Variants in CIC observed in about 807,000 individuals in gnomAD.
CIC encodes protein capicua homolog.
CIC carries 18 observed loss-of-function variants against 115.7 expected under a neutral mutation model. The ratio of observed to expected loss-of-function variants is 0.16; its 90% CI spans 0.11 to 0.23. The LOEUF (loss-of-function observed/expected upper bound fraction) is 0.23, where lower values mean the gene tolerates loss of function less well. CIC is among the 10% of genes least tolerant of loss of function. The pLI is 1.00. For missense variants in CIC, 2,000 were observed against 2,159.3 expected (o/e 0.93, Z 1.46); for synonymous variants, 1,076 against 923.0 (o/e 1.17, Z -3.01).
rs1043244632 is a variant in CIC at position 42,270,121 on chromosome 19, G to A, written c.-11+740G>A. ...CTGGGTGGGGTATGCAAAGGTTTGT[G>A]CTTGGAAAAAACTGGAGCCAGATCT... On this transcript the variant is annotated intron_variant, in intron 1 of 20. Coordinates refer to ENST00000681038, the MANE Select transcript of CIC (RefSeq NM_001386298.1). The surrounding 1 kb of genome is among the most constrained non-coding windows in gnomAD (Gnocchi z 4.1). Among the ~76,000 whole-genome samples the A allele has an allele frequency of 1.1e-4, 17 of 152,286 alleles. No homozygotes were observed. Among genetic ancestry groups the A allele is most frequent in the Admixed American group, 1.3e-4 (2 of 15,312 alleles).
chr19:42,290,494 C>T lies in CIC; in HGVS notation c.4453C>T (p.Pro1485Ser), dbSNP rs2038006422. The part of the protein sequence containing the change: ...STAGPLRPPP[P>S]GAGGPATPSK... ...AGCGGGCCCCCTACGGCCCCCACCC[C>T]CTGGGGCTGGGGGTCCAGCGACACC... is the stretch of plus-strand genomic sequence containing the variant. Residue 1485 changes from proline to serine, a missense_variant, in exon 11 of 21, where the codon CCT (proline) becomes TCT (serine). Pro to Ser is a moderately conservative substitution (Grantham distance 74, BLOSUM62 -1). Transcript: ENST00000681038. The T allele has an allele frequency of 3.1e-6, 5 of 1,613,608 alleles. No homozygotes were observed. The highest frequency in any genetic ancestry group is 4.2e-6 in the Non-Finnish European group (5 of 1,179,940).
chr19:42,290,175 G>A, intron 10 of CIC, 58 bp from the exon 11 acceptor site: 1 of 1,609,304 alleles, frequency 6.2e-7, no homozygotes, highest in Non-Finnish European at 8.5e-7. Context: ...TGGCTAGGGG[G>A]CTGCTATCGA....
In CIC at chr19:42,287,616, C is replaced by T. The variant is rs1285147707; in HGVS notation, c.3381C>T (p.Val1127=). The T allele has an allele frequency of 1.9e-6, 3 of 1,614,006 alleles. No homozygotes were observed. Among genetic ancestry groups the T allele is most frequent in the Admixed American group, 1.7e-5 (1 of 60,032 alleles). The stretch of plus-strand genomic sequence containing the variant: ...TCAGCAAGCGGCACCGGGCCCTGGT[C>T]CACCAGCGTCATCCCAACCAGGACA... ...MIFSKRHRAL[V]HQRHPNQDNR... Residue 1127 remains valine (V), a synonymous_variant, in exon 6 of 21, where the codon GTC becomes GTT. Coordinates refer to ENST00000681038, the MANE Select transcript of CIC (RefSeq NM_001386298.1). This position sits in a 1 kb window ranked among gnomAD's most constrained non-coding sequence, Gnocchi z 8.7.
At chr19:42,282,180 C>T (rs2037288183) in intron 2 of CIC, among the ~76,000 whole-genome samples, 1 of 152,218 alleles carries the variant, frequency 6.6e-6, no homozygotes, top group Admixed American at 6.5e-5. Context: ...CTGGTTGCCC[C>T]TCCAGGCTCA....
intron 9 of CIC, 52 bp from the exon 10 acceptor site, chr19:42,289,796 G>C: frequency 7.0e-7 from 1 of 1,423,690 alleles, no homozygotes; most frequent in Non-Finnish European, 9.7e-7. Flanking sequence ...TGTTTCTCCT[G>C]GGTCCCCCTG....
In CIC at chr19:42,287,807, C is replaced by T; in HGVS notation, c.3493-3C>T. ...GAAGGGTTGCCCTGCCCTCTCCTGC[C>T]AGGTGAAGGAGGCCCACTTCAAGGC... On this transcript the variant is annotated splice_region_variant and splice_polypyrimidine_tract_variant and intron_variant, in intron 6 of 20. Coordinates refer to ENST00000681038, the MANE Select transcript of CIC (RefSeq NM_001386298.1). The surrounding 1 kb of genome is among the most constrained non-coding windows in gnomAD (Gnocchi z 8.7). 1 of 1,613,984 alleles carries T rather than the reference C, an allele frequency of 6.2e-7. No homozygotes were observed.
At position 42,271,870 on chromosome 19, in the gene CIC, G is replaced by A; in HGVS notation, c.87G>A (p.Leu29=). 1 of 398,900 alleles carries A rather than the reference G, an allele frequency of 2.5e-6. No homozygotes were observed. 24.7% of individuals were successfully genotyped at this position (398,900 alleles called of 1,614,324 possible). A position where few individuals can be genotyped will look rare whatever the true frequency, so the allele number is the denominator to read the frequency against. The change falls in exon 2 of 21, where the codon CTG becomes CTA. Residue 29 remains leucine (L), a synonymous_variant. Coordinates refer to ENST00000681038, the MANE Select transcript of CIC (RefSeq NM_001386298.1). The stretch of plus-strand genomic sequence containing the variant: ...CCCCAGCCACCAGGGCCAAGGCTCT[G>A]AGGCGGCGAGGGGCTGGGGAGGGTG... ...KSPPATRAKA[L]RRRGAGEGDK...
chr19:42,272,913 A>G lies in CIC; in HGVS notation c.1130A>G (p.Lys377Arg), dbSNP rs912745742. The G allele has an allele frequency of 3.3e-5, 13 of 399,350 alleles. No individual in the cohort carries two copies. Among genetic ancestry groups the G allele is most frequent in the African/African-American group, 2.3e-4 (11 of 48,766 alleles). 24.7% of individuals were successfully genotyped at this position (399,350 alleles called of 1,614,324 possible). Residue 377 changes from lysine to arginine, a missense_variant, in exon 2 of 21, where the codon AAA becomes AGA. Coordinates refer to ENST00000681038, the MANE Select transcript of CIC (RefSeq NM_001386298.1). ...LPPCPAALDP[K>R]QPEDAEVSKI... ...CCCTGCCCTGCTGCCCTGGACCCCAAACAGCCCGAGGATGCTGAGGTCTCT... is the reference window on the plus strand; with the variant it reads ...CCCTGCCCTGCTGCCCTGGACCCCAGACAGCCCGAGGATGCTGAGGTCTCT...
chr19:42,295,459 A>C lies in CIC; in HGVS notation c.*268A>C. 1.2e-5 allele frequency: 5 copies of C among 425,326 alleles called. No individual in the cohort carries two copies. The highest frequency in any genetic ancestry group is 2.1e-5 in the Non-Finnish European group (5 of 236,258). The allele number at this position is 425,326 out of a possible 1,614,324, so 26.3% of individuals were successfully genotyped here. On this transcript the variant is annotated 3_prime_UTR_variant, in exon 21 of 21. Coordinates refer to ENST00000681038, the MANE Select transcript of CIC (RefSeq NM_001386298.1). ...TGTGACCTTCAGAGCTTTTCACTTT[A>C]TGCAAAATGGCTCCTGTGAGGGCTG...
Position 42,291,678 on chromosome 19 carries a change from A to C in CIC, c.5546A>C (p.Gln1849Pro), listed in dbSNP as rs1261336217. Residue 1849 changes from glutamine (Q) to proline (P), a missense_variant, in exon 12 of 21, where the codon CAG (glutamine) becomes CCG (proline). By Grantham distance (76) the Gln-to-Pro change is moderately conservative (BLOSUM62 -1). Around this residue, in one of 8 missense-constraint regions of CIC, gnomAD observed 1,466 missense variants for 1,390.4 expected, o/e 1.05. Coordinates refer to ENST00000681038, the MANE Select transcript of CIC (RefSeq NM_001386298.1). ...SMSVRGGGAG[Q>P]PLPLVSPPFS... The stretch of plus-strand genomic sequence containing the variant: ...TCAGTGCGGGGTGGAGGGGCCGGCC[A>C]GCCACTGCCACTGGTGAGCCCGCCC... 9 of 1,612,906 alleles carry C rather than the reference A, an allele frequency of 5.6e-6. No individual in the cohort carries two copies. The East Asian group carries it at 2.0e-4, about 36-fold the overall frequency.
At chr19:42,275,611 CAG>C (rs1018602921) in intron 2 of CIC, among the ~76,000 whole-genome samples, 4 of 152,174 alleles carry the variant, frequency 2.6e-5, no homozygotes, top group African/African-American at 9.7e-5. Flanking sequence ...AGGAGCAACA[CAG>C]AGAGGGTGAC....
chr19:42,287,989 T>A lies in CIC; in HGVS notation c.3658+14T>A. 6.3e-7 allele frequency: 1 copy of A among 1,578,576 alleles called. No individual in the cohort carries two copies. Among genetic ancestry groups the A allele is most frequent in the Middle Eastern group, 1.7e-4 (1 of 5,946 alleles). ...CTGCCCCTGGGGGTTAGTCAGCCCC[T>A]TGGCTCTCCCACCCTGCCACCTCCC... On this transcript the variant is annotated intron_variant, in intron 7 of 20. Transcript: ENST00000681038. The surrounding 1 kb of genome is among the most constrained non-coding windows in gnomAD (Gnocchi z 8.7).
At position 42,286,854 on chromosome 19, in the gene CIC, C is replaced by T. The variant is rs756596852; in HGVS notation, c.2878C>T (p.Pro960Ser). The change falls in exon 3 of 21, where the codon CCC becomes TCC. Residue 960 changes from proline to serine, a missense_variant. Around this residue, in one of 8 missense-constraint regions of CIC, gnomAD observed 222 missense variants for 247.7 expected, o/e 0.90. Transcript: ENST00000681038. ...VPFLAPSQPDPSVQPSEAQQP... is the reference protein window; with the variant it reads ...VPFLAPSQPDSSVQPSEAQQP... The stretch of plus-strand genomic sequence containing the variant: ...CTTCCTGGCACCCAGCCAGCCTGAC[C>T]CCTCCGTGCAGCCGAGCGAGGCCCA... The T allele has an allele frequency of 3.5e-5, 56 of 1,613,840 alleles. No individual in the cohort carries two copies. Among genetic ancestry groups the T allele is most frequent in the Non-Finnish European group, 4.5e-5 (53 of 1,179,992 alleles).
intron 7 of CIC, 108 bp downstream of exon 7, chr19:42,288,083 C>T (rs374323639): frequency 4.1e-5 from 55 of 1,334,404 alleles, no homozygotes; most frequent in Admixed American, 1.8e-4. Context: ...TCTGCTCTAT[C>T]GCTTTAATTT....
rs769345499 is a variant in CIC, at chr19:42,295,432, C to T, written c.*241C>T. The stretch of plus-strand genomic sequence containing the variant: ...CCAAGCCCCTGTACATAACCTGGAG[C>T]GTGTGACCTTCAGAGCTTTTCACTT... On this transcript the variant is annotated 3_prime_UTR_variant, in exon 21 of 21. Transcript: ENST00000681038. The T allele has an allele frequency of 1.1e-4, 56 of 514,472 alleles. No individual in the cohort carries two copies. The Middle Eastern group carries it at 1.5e-3, about 14-fold the overall frequency. 31.9% of individuals were successfully genotyped at this position (514,472 alleles called of 1,614,324 possible).
chr19:42,271,244 T>A (rs2034588446), intron 1 of CIC, among the ~76,000 whole-genome samples: 1 of 152,334 alleles, frequency 6.6e-6, no homozygotes, highest in Admixed American at 6.5e-5. Flanking sequence ...ACTGAAATGG[T>A]CAGGAGCACG....
Position 42,292,668 on chromosome 19 carries a change from C to G in CIC, c.6005C>G (p.Thr2002Arg), listed in dbSNP as rs752846123. The change falls in exon 15 of 21, where the codon ACA becomes AGA. Residue 2002 changes from threonine to arginine, a missense_variant. By Grantham distance (71) the Thr-to-Arg change is moderately conservative. Coordinates refer to ENST00000681038, the MANE Select transcript of CIC (RefSeq NM_001386298.1). ...GCAGCCCCCGGAGGTCCTGTCATAA[C>G]AGCATTTTACTCTGGCAGCCCTGCA... ...ACAAPGGPVI[T>R]AFYSGSPAPT... 1.2e-6 allele frequency: 2 copies of G among 1,613,908 alleles called. No homozygotes were observed. Among genetic ancestry groups the G allele is most frequent in the South Asian group, 2.2e-5 (2 of 91,086 alleles).
At chr19:42,283,564 TGTGA>T (rs1339243839) in intron 2 of CIC, among the ~76,000 whole-genome samples, 1 of 151,308 alleles carries the variant, frequency 6.6e-6, no homozygotes, top group Non-Finnish European at 1.5e-5. Context: ...CTGTGAGGAG[TGTGA>T]GTGTGAGTAG....
chr19:42,277,379 G>A (rs557471114), intron 2 of CIC, among the ~76,000 whole-genome samples: 1 of 152,266 alleles, frequency 6.6e-6, no homozygotes, highest in African/African-American at 2.4e-5. Context: ...ACAGGAGTGT[G>A]CCACCACGCC....
Sources: gnomAD v4.1 joint callset for allele counts (sites outside exome capture counted in the v4.1 genomes callset) on GRCh38, gnomAD v4.1.1 for gene constraint, gnomAD v4.1.1 regional missense constraint, Gnocchi (gnomAD v3.1) non-coding constraint, MANE v1.5 for transcripts, NCBI Gene and HGNC (gene_info 2026-07-23, HGNC 2026-07-21) for gene names.